The following FERMT3 variants were observed in gnomAD, a reference collection of about 807,000 sequenced individuals.
FERMT3 encodes fermitin family homolog 3.
In FERMT3, 33 loss-of-function variants were observed where a neutral mutation model predicts 80.8. That is an observed-to-expected ratio of 0.41 (90% confidence interval 0.31 to 0.55). FERMT3 has a LOEUF of 0.55. Ranked by LOEUF, FERMT3 falls within the 20% of genes least tolerant of loss-of-function variation. The pLI, the probability that FERMT3 is intolerant of heterozygous loss-of-function variation, is 0.31. For synonymous variants in FERMT3, 375 were observed against 372.2 expected (o/e 1.01, Z -0.09); for missense variants, 754 against 908.7 (o/e 0.83, Z 2.19).
rs188727375 is a variant in FERMT3, at chr11:64,220,866, G to C, written c.1546-150G>C. 7,209 of 1,455,746 alleles carry C rather than the reference G, an allele frequency of 5.0e-3. 36 individuals are homozygous for C. Among genetic ancestry groups the C allele is most frequent in the Non-Finnish European group, 6.0e-3 (6,340 of 1,062,614 alleles). 90.2% of individuals were successfully genotyped at this position (1,455,746 alleles called of 1,614,324 possible). On this transcript the variant is annotated intron_variant, in intron 12 of 14. Coordinates refer to ENST00000345728, the MANE Select transcript of FERMT3 (RefSeq NM_031471.6). Reference sequence around the variant, plus strand: ...GTGCCCATGTCCACCTTGCAGCCTGGCGCAGTGCAGATCTGCACCTTGGCG... The same window carrying C: ...GTGCCCATGTCCACCTTGCAGCCTGCCGCAGTGCAGATCTGCACCTTGGCG...
chr11:64,221,219 C>T, intron 13 of FERMT3, 79 bp downstream of exon 13: 1 of 1,468,658 alleles, frequency 6.8e-7, no homozygotes, highest in South Asian at 1.1e-5. Context: ...GCCCACATCC[C>T]AAGAGTAGGT....
At chr11:64,217,813 G>A (rs1334522748) in intron 6 of FERMT3, among the ~76,000 whole-genome samples, 2 of 152,060 alleles carry the variant, frequency 1.3e-5, no homozygotes, top group Non-Finnish European at 2.9e-5. Flanking sequence ...CCAGGGGTCC[G>A]CCATGCAAAC....
intron 6 of FERMT3, among the ~76,000 whole-genome samples, chr11:64,214,299 C>T (rs574193687): frequency 1.3e-5 from 2 of 151,346 alleles, no homozygotes; most frequent in Non-Finnish European, 2.9e-5. Context: ...TCCCAAGTAG[C>T]TGGGACTGCA....
intron 13 of FERMT3, 123 bp downstream of exon 13, chr11:64,221,263 G>A (rs756491808): frequency 2.3e-5 from 23 of 993,946 alleles, no homozygotes; most frequent in East Asian, 7.6e-5. Context: ...CCCTTCCCTT[G>A]TTCTTTGTAA....
Position 64,211,582 on chromosome 11 carries a change from C to G in FERMT3, c.684-63C>G. On this transcript the variant is annotated intron_variant, in intron 5 of 14. Transcript: ENST00000345728. This position sits in a 1 kb window ranked among gnomAD's most constrained non-coding sequence, Gnocchi z 4.7. ...TGTGTGCTTGTCCCCCCAGCCCAGC[C>G]CCCCTCCCCACCCCACGGCCGTACC... The G allele has an allele frequency of 6.4e-7, 1 of 1,562,672 alleles. No individual in the cohort carries two copies. The highest frequency in any genetic ancestry group is 8.7e-7 in the Non-Finnish European group (1 of 1,149,928).
intron 6 of FERMT3, among the ~76,000 whole-genome samples, chr11:64,212,186 A>C (rs1946457253): frequency 1.3e-5 from 2 of 152,174 alleles, no homozygotes; most frequent in South Asian, 4.1e-4. Context: ...GAAGCTTTGC[A>C]GGGTGGCCCC....
In FERMT3 at chr11:64,210,559, T is replaced by C; in HGVS notation, c.161-52T>C. ...TGAATCCTGGGGTTGTGCTGGGTGT[T>C]GGGGGCACCAGGGAGGAAGGTTGGA... On this transcript the variant is annotated intron_variant, in intron 2 of 14. Transcript: ENST00000345728. This position sits in a 1 kb window ranked among gnomAD's most constrained non-coding sequence, Gnocchi z 4.3. 4 of 1,564,118 alleles carry C rather than the reference T, an allele frequency of 2.6e-6. No homozygotes were observed. In the Admixed American group the frequency reaches 5.0e-5, roughly 20 times the overall value.
Position 64,220,289 on chromosome 11 carries a change from C to T in FERMT3, c.1274C>T (p.Pro425Leu). 1 of 1,613,680 alleles carries T rather than the reference C, an allele frequency of 6.2e-7. No homozygotes were observed. The highest frequency in any genetic ancestry group is 8.5e-7 in the Non-Finnish European group (1 of 1,179,748). ...TGCATTAAACTCCTAGTGCCCTCCC[C>T]TGAGGGCATGAGTGAGATCTACCTG... is the stretch of plus-strand genomic sequence containing the variant. ...KFCIKLLVPSPEGMSEIYLRC... is the reference protein window; with the variant it reads ...KFCIKLLVPSLEGMSEIYLRC... Residue 425 changes from proline to leucine, a missense_variant, in exon 11 of 15, where the codon CCT (proline) becomes CTT (leucine). By Grantham distance (98) the Pro-to-Leu change is moderately conservative. Coordinates refer to ENST00000345728, the MANE Select transcript of FERMT3 (RefSeq NM_031471.6).
chr11:64,220,818 C>CT, intron 12 of FERMT3, 149 bp downstream of exon 12: 1 of 1,279,588 alleles, frequency 7.8e-7, no homozygotes, highest in Non-Finnish European at 1.1e-6. Context: ...GGTACCCACC[C>CT]TTTGGGAGGA....
chr11:64,221,047 A>C lies in FERMT3; in HGVS notation c.1577A>C (p.Asn526Thr). The C allele has an allele frequency of 1.2e-6, 2 of 1,612,884 alleles. No individual in the cohort carries two copies. Among genetic ancestry groups the C allele is most frequent in the Non-Finnish European group, 1.7e-6 (2 of 1,180,006 alleles). Residue 526 changes from asparagine to threonine, a missense_variant, in exon 13 of 15, where the codon AAT (asparagine) becomes ACT (threonine). Coordinates refer to ENST00000345728, the MANE Select transcript of FERMT3 (RefSeq NM_031471.6). ...LTPRILEAHQ[N>T]VAQLSLAEAQ... ...CCACGGATCCTGGAAGCCCACCAGA[A>C]TGTGGCCCAGTTGTCGCTGGCAGAG...
rs368775495 is a variant in FERMT3 at position 64,221,011 on chromosome 11, C to T, written c.1546-5C>T. The T allele has an allele frequency of 1.6e-5, 25 of 1,611,606 alleles. No individual in the cohort carries two copies. Among genetic ancestry groups the T allele is most frequent in the African/African-American group, 4.0e-5 (3 of 74,922 alleles). ...TGGCAGCCCGTCACCAGTATGGTCC[C>T]GCAGCTCACCCCACGGATCCTGGAA... On this transcript the variant is annotated splice_polypyrimidine_tract_variant and splice_region_variant and intron_variant, in intron 12 of 14. Transcript: ENST00000345728.
Position 64,219,877 on chromosome 11 carries a change from A to G in FERMT3, c.1080-14A>G. ...GGTGAGGCGGCCTTTCACAAACCCC[A>G]GCATCCCACGAAGGCCCCGGAAGCT... On this transcript the variant is annotated splice_polypyrimidine_tract_variant and intron_variant, in intron 9 of 14. Transcript: ENST00000345728. The surrounding 1 kb of genome is among the most constrained non-coding windows in gnomAD (Gnocchi z 4.0). The G allele has an allele frequency of 6.2e-7, 1 of 1,613,868 alleles. No homozygotes were observed. Among genetic ancestry groups the G allele is most frequent in the Non-Finnish European group, 8.5e-7 (1 of 1,179,994 alleles).
intron 2 of FERMT3, among the ~76,000 whole-genome samples, chr11:64,208,602 C>T (rs1016985229): frequency 6.6e-6 from 1 of 152,228 alleles, no homozygotes; most frequent in East Asian, 1.9e-4. Context: ...ATGGGGGCTG[C>T]GTGCCGGCTG....
At chr11:64,218,153 G>A (rs1005014092) in intron 6 of FERMT3, among the ~76,000 whole-genome samples, 11 of 151,780 alleles carry the variant, frequency 7.2e-5, no homozygotes, top group African/African-American at 1.7e-4. Flanking sequence ...ACAGGCGCCC[G>A]CCACCACGCC....
chr11:64,223,635 G>C lies in FERMT3; in HGVS notation c.*143G>C. 3.7e-6 allele frequency: 4 copies of C among 1,077,012 alleles called. No homozygotes were observed. Among genetic ancestry groups the C allele is most frequent in the South Asian group, 1.4e-5 (1 of 71,858 alleles). 66.7% of individuals were successfully genotyped at this position (1,077,012 alleles called of 1,614,324 possible). A position where few individuals can be genotyped will look rare whatever the true frequency, so the allele number is the denominator to read the frequency against. Reference sequence around the variant, plus strand: ...ACCTGCTGTCACTGACTTTGTGCAGGCCAAGGACCTGGCAGGGCCAGACGC... The same window carrying C: ...ACCTGCTGTCACTGACTTTGTGCAGCCCAAGGACCTGGCAGGGCCAGACGC... On this transcript the variant is annotated 3_prime_UTR_variant, in exon 15 of 15. Coordinates refer to ENST00000345728, the MANE Select transcript of FERMT3 (RefSeq NM_031471.6).
chr11:64,219,763 G>A lies in FERMT3; in HGVS notation c.1053G>A (p.Glu351=), dbSNP rs1946633110. The part of the protein sequence containing the change: ...DVLDSLTTIP[E]LKDHLRIFRP... ...AGGACAGCCTCACCACCATCCCAGA[G>A]CTCAAGGACCATCTCCGAATCTTTC... The change falls in exon 9 of 15, where the codon GAG becomes GAA. Residue 351 remains glutamate, a synonymous_variant. Coordinates refer to ENST00000345728, the MANE Select transcript of FERMT3 (RefSeq NM_031471.6). The surrounding 1 kb of genome is among the most constrained non-coding windows in gnomAD (Gnocchi z 4.0). 1 of 1,613,960 alleles carries A rather than the reference G, an allele frequency of 6.2e-7. No homozygotes were observed. The highest frequency in any genetic ancestry group is 8.5e-7 in the Non-Finnish European group (1 of 1,180,026).
At position 64,220,640 on chromosome 11, in the gene FERMT3, C is replaced by T. The variant is rs184091587; in HGVS notation, c.1516C>T (p.Arg506Cys). 1.6e-5 allele frequency: 25 copies of T among 1,611,402 alleles called. No homozygotes were observed. Among genetic ancestry groups the T allele is most frequent in the South Asian group, 1.1e-4 (10 of 90,794 alleles). The stretch of plus-strand genomic sequence containing the variant: ...CAACCCCTACGGCCTCGTTGCCCCC[C>T]GTTTCCAGCGAAAGTTCAAGGCCAA... ...GLNPYGLVAP[R>C]FQRKFKAKQL... The change falls in exon 12 of 15, where the codon CGT (arginine) becomes TGT (cysteine). Residue 506 changes from arginine (R) to cysteine (C), a missense_variant. Arg to Cys is a radical substitution (Grantham distance 180). Transcript: ENST00000345728.
upstream of FERMT3, among the ~76,000 whole-genome samples, chr11:64,206,111 C>T (rs907730128): frequency 2.6e-5 from 4 of 152,034 alleles, no homozygotes; most frequent in African/African-American, 9.7e-5. Context: ...GTGGAGGGGT[C>T]GTGTTTGGAG....
At chr11:64,213,459 G>A (rs1051496082) in intron 6 of FERMT3, among the ~76,000 whole-genome samples, 7 of 150,814 alleles carry the variant, frequency 4.6e-5, no homozygotes, top group African/African-American at 1.5e-4. Flanking sequence ...CACCATATTG[G>A]TCAGGCTGGT....
Sources: allele counts gnomAD v4.1 joint callset (sites outside exome capture counted in the v4.1 genomes callset), GRCh38; gene constraint gnomAD v4.1.1; non-coding constraint Gnocchi (gnomAD v3.1); transcripts MANE v1.5; gene names NCBI Gene and HGNC (gene_info 2026-07-23, HGNC 2026-07-21).